The following LHFPL6 variants were observed in gnomAD, a reference collection of about 807,000 sequenced individuals.
LHFPL6 encodes LHFPL tetraspan subfamily member 6 protein.
A neutral mutation model predicts 20.6 loss-of-function variants in LHFPL6; 9 were observed. That is an observed-to-expected ratio of 0.44 (90% CI 0.26 to 0.76). The LOEUF is 0.76. LHFPL6 is among the 30% of genes least tolerant of loss of function. The pLI is 0.20. For missense variants in LHFPL6, 218 were observed against 253.5 expected (o/e 0.86, Z 0.95); for synonymous variants, 105 against 98.7 (o/e 1.06, Z -0.38).
rs146575323 is a variant in LHFPL6, at chr13:39,562,695, CAT to C, written c.385+38135_385+38136del. On this transcript the variant is annotated intron_variant, in intron 2 of 3. Coordinates refer to ENST00000379589, the MANE Select transcript of LHFPL6 (RefSeq NM_005780.3). The stretch of plus-strand genomic sequence containing the variant: ...ACACATATATACACACACACACACA[CAT>C]ATATATATATACACACACACACTAC... Among the ~76,000 whole-genome samples, 925 of 146,404 alleles carry C rather than the reference CAT, an allele frequency of 6.3e-3. 12 individuals are homozygous for C. The highest frequency in any genetic ancestry group is 0.02 in the African/African-American group (805 of 39,454).
intron 2 of LHFPL6, among the ~76,000 whole-genome samples, chr13:39,408,713 C>T (rs757170961): frequency 9.9e-5 from 15 of 152,146 alleles, no homozygotes; most frequent in African/African-American, 2.9e-4. Flanking sequence ...GGAAAACAGC[C>T]GATGCCTTCT....
intron 2 of LHFPL6, among the ~76,000 whole-genome samples, chr13:39,428,990 T>A (rs1871718686): frequency 6.6e-6 from 1 of 152,334 alleles, no homozygotes; most frequent in Non-Finnish European, 1.5e-5. Context: ...ATCTTTATAA[T>A]ACTTACTTCT....
intron 2 of LHFPL6, among the ~76,000 whole-genome samples, chr13:39,495,298 G>A (rs1423884333): frequency 6.6e-6 from 1 of 152,030 alleles, no homozygotes; most frequent in Non-Finnish European, 1.5e-5. Flanking sequence ...CTCTTTATTA[G>A]GCTATATTTG....
At chr13:39,432,798 C>A (rs959222614) in intron 2 of LHFPL6, among the ~76,000 whole-genome samples, 1 of 152,152 alleles carries the variant, frequency 6.6e-6, no homozygotes, top group Non-Finnish European at 1.5e-5. Context: ...TCTGTAGGAC[C>A]TAGAACACTG....
chr13:39,517,299 C>T (rs1399255720), intron 2 of LHFPL6, among the ~76,000 whole-genome samples: 1 of 152,164 alleles, frequency 6.6e-6, no homozygotes, highest in Non-Finnish European at 1.5e-5. Context: ...AGCCAGTGAA[C>T]TTTCATAGTA....
chr13:39,601,164 A>G lies in LHFPL6; in HGVS notation c.53T>C (p.Leu18Pro). Reference sequence around the variant, plus strand: ...CCCCACGCAGGAGGTGGCAGCACAAAGAAAAGACAGCAAAGCCCAGATTAC... The same window carrying G: ...CCCCACGCAGGAGGTGGCAGCACAAGGAAAAGACAGCAAAGCCCAGATTAC... ...TGVIWALLSFLCAATSCVGFF... is the reference protein window; with the variant it reads ...TGVIWALLSFPCAATSCVGFF... The change falls in exon 2 of 4, where the codon CTT becomes CCT. Residue 18 changes from leucine to proline, a missense_variant. By Grantham distance (98) the Leu-to-Pro change is moderately conservative (BLOSUM62 -3). Coordinates refer to ENST00000379589, the MANE Select transcript of LHFPL6 (RefSeq NM_005780.3). 6.2e-7 allele frequency: 1 copy of G among 1,614,080 alleles called. No homozygotes were observed. Among genetic ancestry groups the G allele is most frequent in the Non-Finnish European group, 8.5e-7 (1 of 1,180,010 alleles).
intron 2 of LHFPL6, among the ~76,000 whole-genome samples, chr13:39,440,925 C>A (rs1872106748): frequency 6.6e-6 from 1 of 152,106 alleles, no homozygotes; most frequent in South Asian, 2.1e-4. Flanking sequence ...CACAAACTCT[C>A]TTCTCTTGTC....
chr13:39,433,168 T>A (rs772599310), intron 2 of LHFPL6, among the ~76,000 whole-genome samples: 3 of 152,218 alleles, frequency 2.0e-5, no homozygotes, highest in Non-Finnish European at 4.4e-5. Flanking sequence ...GCTCTGATAA[T>A]TAAGTATCTA....
intron 2 of LHFPL6, among the ~76,000 whole-genome samples, chr13:39,462,341 T>C (rs1442690725): frequency 6.6e-6 from 1 of 152,184 alleles, no homozygotes; most frequent in Non-Finnish European, 1.5e-5. Context: ...GCTGCCTTGA[T>C]AGACTACAGT....
At chr13:39,492,372 G>A (rs1477956886) in intron 2 of LHFPL6, among the ~76,000 whole-genome samples, 1 of 152,076 alleles carries the variant, frequency 6.6e-6, no homozygotes, top group Non-Finnish European at 1.5e-5. Flanking sequence ...CATTAAAATA[G>A]CCAAAAGAAT....
chr13:39,520,542 C>T (rs1022808), intron 2 of LHFPL6, among the ~76,000 whole-genome samples: 129,177 of 152,230 alleles, frequency 0.85, 54,912 homozygotes, highest in Middle Eastern at 0.93. Flanking sequence ...CAGACTGTGA[C>T]GAACTGGGCA....
At chr13:39,493,791 T>A (rs1348273409) in intron 2 of LHFPL6, among the ~76,000 whole-genome samples, 9 of 152,204 alleles carry the variant, frequency 5.9e-5, no homozygotes, top group African/African-American at 2.2e-4. Flanking sequence ...ATCATCAATG[T>A]CCTCAGGAAA....
At chr13:39,551,936 C>G (rs1593359816) in intron 2 of LHFPL6, among the ~76,000 whole-genome samples, 1 of 152,156 alleles carries the variant, frequency 6.6e-6, no homozygotes, top group East Asian at 1.9e-4. Context: ...TAATAGCCCT[C>G]TGTATCTAAA....
chr13:39,519,913 A>G (rs1870053009), intron 2 of LHFPL6, among the ~76,000 whole-genome samples: 2 of 152,228 alleles, frequency 1.3e-5, no homozygotes, highest in South Asian at 4.1e-4. Flanking sequence ...GTTTGCAGAC[A>G]TATAGTCCCC....
rs533344972 is a variant in LHFPL6 at position 39,380,894 on chromosome 13, TCACTGTCTCC to T, written c.386-2378_386-2369del. 6.0e-3 allele frequency among the ~76,000 whole-genome samples: 918 copies of T among 152,250 alleles called. 11 individuals are homozygous for T. The highest frequency in any genetic ancestry group is 0.021 in the African/African-American group (857 of 41,540). ...TGAGAATCTAATGCCTGATGATCTG[TCACTGTCTCC>T]CATCACCCTGAGATGGGACTGTCTA... is the stretch of plus-strand genomic sequence containing the variant. On this transcript the variant is annotated intron_variant, in intron 2 of 3. Transcript: ENST00000379589.
intron 2 of LHFPL6, among the ~76,000 whole-genome samples, chr13:39,510,213 C>T (rs1869643733): frequency 6.6e-6 from 1 of 150,948 alleles, no homozygotes; most frequent in Non-Finnish European, 1.5e-5. Context: ...ACTAATTAAA[C>T]ATTGCAGCAC....
intron 2 of LHFPL6, among the ~76,000 whole-genome samples, chr13:39,497,735 G>C (rs149933835): frequency 1.5e-3 from 228 of 152,212 alleles, no homozygotes; most frequent in African/African-American, 5.2e-3. Flanking sequence ...AAGATGGGGG[G>C]GAGGAACACA....
chr13:39,454,701 T>C (rs985342883), intron 2 of LHFPL6, among the ~76,000 whole-genome samples: 3 of 151,932 alleles, frequency 2.0e-5, no homozygotes, highest in African/African-American at 7.2e-5. Context: ...GGTTTGGTTT[T>C]GGTACTTAGG....
intron 2 of LHFPL6, among the ~76,000 whole-genome samples, chr13:39,562,415 C>CAAATAT (rs57863254): frequency 1.8e-5 from 1 of 54,674 alleles, no homozygotes; most frequent in Non-Finnish European, 4.0e-5. Flanking sequence ...TACACATATA[C>CAAATAT]ACATATACAT....
Sources: gnomAD v4.1 joint callset for allele counts (sites outside exome capture counted in the v4.1 genomes callset) on GRCh38, gnomAD v4.1.1 for gene constraint, MANE v1.5 for transcripts, NCBI Gene and HGNC (gene_info 2026-07-23, HGNC 2026-07-21) for gene names.